The following CSMD3 variants were observed in gnomAD, a reference collection of about 807,000 sequenced individuals.
CSMD3 encodes CUB and sushi domain-containing protein 3.
A neutral mutation model predicts 435.2 loss-of-function variants in CSMD3; 177 were observed. The ratio of observed to expected loss-of-function variants is 0.41; its 90% CI spans 0.36 to 0.46. CSMD3 has a LOEUF of 0.46. Among genes scored for constraint, CSMD3 ranks in the 20% least tolerant of loss-of-function variants. CSMD3 has a pLI of 0.34. For missense variants in CSMD3, 4,265 were observed against 4,504.6 expected, an observed-to-expected ratio of 0.95 and a Z score of 1.52; for synonymous variants, 1,656 against 1,520.5, an observed-to-expected ratio of 1.09 and a Z score of -2.07.
At chr8:112,916,832 T>G (rs1434552108) in intron 10 of CSMD3, among the ~76,000 whole-genome samples, 1 of 151,968 alleles carries the variant, frequency 6.6e-6, no homozygotes, top group Non-Finnish European at 1.5e-5. Flanking sequence ...TAAACTATTA[T>G]AGCAGCTACT....
chr8:113,224,703 T>C (rs1336118773), intron 3 of CSMD3, among the ~76,000 whole-genome samples: 1 of 151,312 alleles, frequency 6.6e-6, no homozygotes, highest in Non-Finnish European at 1.5e-5. Flanking sequence ...ATAAAATTTG[T>C]GTGTGTATTA....
At chr8:113,232,517 A>C (rs977811853) in intron 3 of CSMD3, among the ~76,000 whole-genome samples, 2 of 151,746 alleles carry the variant, frequency 1.3e-5, no homozygotes, top group African/African-American at 4.8e-5. Flanking sequence ...CCATGTGATG[A>C]CAATGCTGCT....
intron 3 of CSMD3, among the ~76,000 whole-genome samples, chr8:113,217,506 G>A (rs904485396): frequency 1.3e-5 from 2 of 151,626 alleles, no homozygotes; most frequent in African/African-American, 4.8e-5. Flanking sequence ...TGAAATTTCA[G>A]TAGAGAAATT....
chr8:112,645,178 G>A lies in CSMD3; in HGVS notation c.3241C>T (p.Pro1081Ser). The A allele has an allele frequency of 6.2e-7, 1 of 1,608,824 alleles. No individual in the cohort carries two copies. The highest frequency in any genetic ancestry group is 8.5e-7 in the Non-Finnish European group (1 of 1,175,338). Reference sequence around the variant, plus strand: ...TTTGGATAAAATTCCGGGTAACCAGGTGATAAGATTGTTCCACTAGGCCCT... The same window carrying A: ...TTTGGATAAAATTCCGGGTAACCAGATGATAAGATTGTTCCACTAGGCCCT... ...VRGPSGTILSPGYPEFYPNSL... is the reference protein window; with the variant it reads ...VRGPSGTILSSGYPEFYPNSL... The change falls in exon 20 of 71, where the codon CCT becomes TCT. Residue 1081 changes from proline (P) to serine (S), a missense_variant. Coordinates refer to ENST00000297405, the MANE Select transcript of CSMD3 (RefSeq NM_198123.2).
chr8:113,290,740 C>T (rs1480556570), intron 2 of CSMD3, among the ~76,000 whole-genome samples: 1 of 151,566 alleles, frequency 6.6e-6, no homozygotes, highest in Non-Finnish European at 1.5e-5. Context: ...TGAATTTAGA[C>T]ATGATTTATG....
chr8:113,408,211 T>C (rs1331620344), intron 1 of CSMD3, among the ~76,000 whole-genome samples: 2 of 152,098 alleles, frequency 1.3e-5, no homozygotes, highest in African/African-American at 4.8e-5. Flanking sequence ...TTCTAATACA[T>C]AGGAATCAAA....
chr8:112,530,108 G>A (rs528836561), intron 27 of CSMD3, among the ~76,000 whole-genome samples: 87 of 151,964 alleles, frequency 5.7e-4, no homozygotes, highest in African/African-American at 2.0e-3. Flanking sequence ...AAATAATTCA[G>A]TCAAAAGAGC....
chr8:112,323,383 T>G (rs957855404), intron 45 of CSMD3, among the ~76,000 whole-genome samples: 1 of 152,058 alleles, frequency 6.6e-6, no homozygotes, highest in Non-Finnish European at 1.5e-5. Context: ...CCCGCTGTAC[T>G]GGGTTGAATA....
chr8:112,798,763 T>G (rs993744404), intron 13 of CSMD3, among the ~76,000 whole-genome samples: 1 of 151,858 alleles, frequency 6.6e-6, no homozygotes, highest in African/African-American at 2.4e-5. Context: ...TTTCTAATGT[T>G]TAAATCACTA....
intron 14 of CSMD3, among the ~76,000 whole-genome samples, chr8:112,687,559 T>C (rs572832771): frequency 3.7e-4 from 57 of 152,320 alleles, no homozygotes; most frequent in African/African-American, 1.3e-3. Context: ...TCTACACAAA[T>C]ATAAAACCAT....
chr8:112,405,228 T>TATATATATATATATATAC lies in CSMD3; in HGVS notation c.5809+1295_5809+1296insGTATATATATATATATAT, dbSNP rs1831720349. ...AAAAAAACCCCCATATATATATATATATATATATATATATATATACATATA... is the reference window on the plus strand; with the variant it reads ...AAAAAAACCCCCATATATATATATATATATATATATATATATACATATATATATATATATATACATATA... On this transcript the variant is annotated intron_variant, in intron 35 of 70. Transcript: ENST00000297405. 2.0e-5 allele frequency among the ~76,000 whole-genome samples: 2 copies of TATATATATATATATATAC among 100,060 alleles called. 1 individual carries two copies. The highest frequency in any genetic ancestry group is 3.7e-5 in the Non-Finnish European group (2 of 54,226). The allele number at this position is 100,060 out of a possible 152,430, so 65.6% of individuals were successfully genotyped here.
In CSMD3 at chr8:112,380,354, G is replaced by A. The variant is rs2131234069; in HGVS notation, c.6134C>T (p.Thr2045Ile). 1 of 1,496,890 alleles carries A rather than the reference G, an allele frequency of 6.7e-7. No individual in the cohort carries two copies. The highest frequency in any genetic ancestry group is 9.3e-7 in the Non-Finnish European group (1 of 1,073,776). The allele number at this position is 1,496,890 out of a possible 1,614,324, so 92.7% of individuals were successfully genotyped here. ...VSAAGFHLEY[T>I]AIGLDSCPEP... ...ATGGCACATGATATTATTTTTACCTGTGTATTCAAGATGAAATCCTGCAGC... is the reference window on the plus strand; with the variant it reads ...ATGGCACATGATATTATTTTTACCTATGTATTCAAGATGAAATCCTGCAGC... Residue 2045 changes from threonine (T) to isoleucine (I), a missense_variant and splice_region_variant, in exon 38 of 71, where the codon ACA (threonine) becomes ATA (isoleucine). Thr to Ile is a moderately conservative substitution (Grantham distance 89). Around this residue, in one of 3 missense-constraint regions of CSMD3, gnomAD observed 3,255 missense variants for 3,380.2 expected, o/e 0.96. Transcript: ENST00000297405.
intron 4 of CSMD3, among the ~76,000 whole-genome samples, chr8:113,115,070 C>T (rs145655765): frequency 1.9e-3 from 292 of 152,278 alleles, no homozygotes; most frequent in Admixed American, 4.2e-3. Flanking sequence ...CAGCAATGGA[C>T]GTTTTAACAA....
At chr8:112,755,033 A>G (rs1320933516) in intron 13 of CSMD3, among the ~76,000 whole-genome samples, 1 of 152,026 alleles carries the variant, frequency 6.6e-6, no homozygotes, top group Non-Finnish European at 1.5e-5. Flanking sequence ...GTGGGAGGTA[A>G]TTAAATAATG....
intron 1 of CSMD3, among the ~76,000 whole-genome samples, chr8:113,362,145 A>C (rs1331077757): frequency 6.6e-6 from 1 of 152,198 alleles, no homozygotes; most frequent in African/African-American, 2.4e-5. Context: ...CCAGCTGGTC[A>C]AATATTTTGA....
intron 10 of CSMD3, among the ~76,000 whole-genome samples, chr8:112,921,377 G>A (rs2082739008): frequency 6.6e-6 from 1 of 151,878 alleles, no homozygotes; most frequent in Non-Finnish European, 1.5e-5. Context: ...TGCCGACAAT[G>A]TTTCCAGAGT....
intron 31 of CSMD3, among the ~76,000 whole-genome samples, chr8:112,477,536 G>A (rs150156489): frequency 1.4e-3 from 217 of 152,256 alleles, no homozygotes; most frequent in African/African-American, 5.1e-3. Context: ...CCTCATGAAT[G>A]TCTTGGTGCT....
intron 1 of CSMD3, among the ~76,000 whole-genome samples, chr8:113,398,675 G>A (rs1425835585): frequency 6.6e-6 from 1 of 151,968 alleles, no homozygotes; most frequent in South Asian, 2.1e-4. Context: ...TTCTAAAATT[G>A]TGCTTATTAT....
intron 6 of CSMD3, among the ~76,000 whole-genome samples, chr8:113,005,593 A>T: frequency 6.6e-6 from 1 of 152,012 alleles, no homozygotes; most frequent in East Asian, 1.9e-4. Context: ...ATCACTCAAG[A>T]TTTAAAAAAT....
Sources: allele counts gnomAD v4.1 joint callset (sites outside exome capture counted in the v4.1 genomes callset), GRCh38; gene constraint gnomAD v4.1.1; regional missense constraint gnomAD v4.1.1; transcripts MANE v1.5; gene names NCBI Gene and HGNC (gene_info 2026-07-23, HGNC 2026-07-21).